Variants in FOXP1 observed in about 807,000 individuals in gnomAD.
The protein encoded by FOXP1 is forkhead box P1, also known as forkhead box protein P1.
FOXP1 carries 15 observed loss-of-function variants against 98.2 expected under a neutral mutation model. The observed-to-expected ratio is 0.15, with a 90% CI of 0.10 to 0.24. FOXP1 has a LOEUF of 0.24. FOXP1 is among the 10% of genes least tolerant of loss of function. FOXP1 has a pLI of 1.00. For synonymous variants in FOXP1, 371 were observed against 314.5 expected (o/e 1.18, Z -1.90); for missense variants, 633 against 848.5 (o/e 0.75, Z 3.15).
intron 5 of FOXP1, among the ~76,000 whole-genome samples, chr3:71,209,070 C>A (rs990433306): frequency 6.6e-6 from 1 of 152,068 alleles, no homozygotes; most frequent in Non-Finnish European, 1.5e-5. Flanking sequence ...CAGTCAGATC[C>A]GCTTAACTCT....
intron 2 of FOXP1, among the ~76,000 whole-genome samples, chr3:71,506,975 A>G (rs2041869806): frequency 6.6e-6 from 1 of 152,210 alleles, no homozygotes; most frequent in Admixed American, 6.5e-5. Context: ...CTCAATGCCT[A>G]GTCAACCAGC....
In FOXP1 at chr3:71,250,127, TTGTGTAAGCTACCCTA is replaced by T. The variant is rs377188590; in HGVS notation, c.-12+49677_-12+49692del. Among the ~76,000 whole-genome samples, 1,077 of 152,312 alleles carry T rather than the reference TTGTGTAAGCTACCCTA, an allele frequency of 7.1e-3. 10 individuals carry two copies. The highest frequency in any genetic ancestry group is 0.025 in the African/African-American group (1,027 of 41,570). On this transcript the variant is annotated intron_variant, in intron 5 of 20. Coordinates refer to ENST00000649528, the MANE Select transcript of FOXP1 (RefSeq NM_001349338.3). Reference sequence around the variant, plus strand: ...TTTGAGCCAGAAAATTAATTATTCATTGTGTAAGCTACCCTATGCATTGCAGAATGTTGAACAGCAT... The same window carrying T: ...TTTGAGCCAGAAAATTAATTATTCATTGCATTGCAGAATGTTGAACAGCAT...
chr3:71,216,035 G>A (rs1420446195), intron 5 of FOXP1, among the ~76,000 whole-genome samples: 5 of 152,168 alleles, frequency 3.3e-5, no homozygotes, highest in Non-Finnish European at 5.9e-5. Context: ...GGATACAAGT[G>A]GTTGATTATT....
intron 3 of FOXP1, among the ~76,000 whole-genome samples, chr3:71,479,676 T>C (rs1359495789): frequency 2.7e-5 from 2 of 73,048 alleles, no homozygotes; most frequent in Admixed American, 1.6e-4. Flanking sequence ...CAAAACATCA[T>C]CTCAAAAAAA....
At chr3:71,005,519 G>A (rs1003620614) in intron 12 of FOXP1, among the ~76,000 whole-genome samples, 4 of 151,920 alleles carry the variant, frequency 2.6e-5, no homozygotes, top group African/African-American at 9.7e-5. Context: ...TGGGGGAAAT[G>A]TATATCACCA....
intron 5 of FOXP1, among the ~76,000 whole-genome samples, chr3:71,268,090 C>CTTTTCCT (rs2069898962): frequency 1.0e-5 from 1 of 100,382 alleles, no homozygotes; most frequent in East Asian, 3.3e-4. Flanking sequence ...CTTTTCTTTT[C>CTTTTCCT]TTTTTTTTTT....
At chr3:71,306,098 C>T (rs2074253552) in intron 4 of FOXP1, 1 of 152,166 alleles carries the variant, frequency 6.6e-6, no homozygotes, top group South Asian at 2.1e-4. Context: ...GGAAGAGGCC[C>T]CTTTGCATAA....
intron 5 of FOXP1, among the ~76,000 whole-genome samples, chr3:71,208,181 C>T (rs1301924885): frequency 1.3e-5 from 2 of 152,188 alleles, no homozygotes; most frequent in Non-Finnish European, 2.9e-5. Context: ...GACACAGTAA[C>T]ACAAAATCCA....
In FOXP1 at chr3:71,255,430, T is replaced by C. The variant is rs189161438; in HGVS notation, c.-12+44390A>G. On this transcript the variant is annotated intron_variant, in intron 5 of 20. Transcript: ENST00000649528. ...GTTTTAAAAAAATACCTAACATATA[T>C]GTATTCAATATTTACATTTTGATTT... Among the ~76,000 whole-genome samples the C allele has an allele frequency of 1.7e-3, 255 of 152,322 alleles. 2 individuals are homozygous for C. Among genetic ancestry groups the C allele is most frequent in the Non-Finnish European group, 4.7e-4 (32 of 68,026 alleles).
chr3:71,089,082 G>T (rs1243673354), intron 7 of FOXP1, among the ~76,000 whole-genome samples: 2 of 152,166 alleles, frequency 1.3e-5, no homozygotes, highest in East Asian at 1.9e-4. Context: ...GAGGAGGTTG[G>T]AATCAGTGGC....
intron 3 of FOXP1, among the ~76,000 whole-genome samples, chr3:71,453,746 C>T (rs528568923): frequency 2.8e-4 from 42 of 152,214 alleles, no homozygotes; most frequent in Non-Finnish European, 5.6e-4. Flanking sequence ...TCTGATCACA[C>T]TGCTCTTTCA....
At chr3:70,965,826 C>A (rs1469793562) in intron 20 of FOXP1, 64 bp downstream of exon 20, 1 of 1,510,696 alleles carries the variant, frequency 6.6e-7, no homozygotes, top group Non-Finnish European at 9.2e-7. Flanking sequence ...AGGGCTGTCT[C>A]CCTGCGTGTA....
intron 7 of FOXP1, among the ~76,000 whole-genome samples, chr3:71,106,103 T>C (rs2107698532): frequency 6.6e-6 from 1 of 152,282 alleles, no homozygotes; most frequent in East Asian, 1.9e-4. Flanking sequence ...AGTCAGTTAA[T>C]CTCTCTGTTT....
intron 14 of FOXP1, among the ~76,000 whole-genome samples, chr3:70,983,043 C>A (rs1575855581): frequency 6.6e-6 from 1 of 152,228 alleles, no homozygotes; most frequent in South Asian, 2.1e-4. Context: ...CATTTCTGGG[C>A]ATGAATCACT....
intron 7 of FOXP1, among the ~76,000 whole-genome samples, chr3:71,095,483 G>A (rs189744298): frequency 5.9e-4 from 90 of 152,294 alleles, no homozygotes; most frequent in African/African-American, 2.1e-3. Context: ...AACAGATAAA[G>A]AGGTAAGAGG....
chr3:71,368,004 T>G lies in FOXP1; in HGVS notation c.-167-8760A>C, dbSNP rs569552232. ...AACGTGTTCACCACTTAGGGTTGAA[T>G]ATTTCATTTGATGACATAAGGACTG... On this transcript the variant is annotated intron_variant, in intron 3 of 20. Transcript: ENST00000649528. 2.6e-5 allele frequency among the ~76,000 whole-genome samples: 4 copies of G among 152,360 alleles called. No individual in the cohort carries two copies. In the East Asian group the frequency reaches 7.7e-4, roughly 29 times the overall value.
intron 6 of FOXP1, among the ~76,000 whole-genome samples, chr3:71,117,856 G>C (rs904559321): frequency 2.0e-5 from 3 of 152,172 alleles, no homozygotes; most frequent in Non-Finnish European, 4.4e-5. Context: ...TTACAGTAAA[G>C]ACACAGTTTG....
chr3:71,306,908 AT>A (rs897963021), intron 4 of FOXP1, among the ~76,000 whole-genome samples: 4 of 152,170 alleles, frequency 2.6e-5, no homozygotes, highest in South Asian at 2.1e-4. Flanking sequence ...CCTCAACATA[AT>A]TTGTCCTTAC....
chr3:71,135,932 C>T (rs181699579), intron 6 of FOXP1, among the ~76,000 whole-genome samples: 74 of 152,318 alleles, frequency 4.9e-4, no homozygotes, highest in African/African-American at 1.8e-3. Context: ...GTCAGACTTT[C>T]CCTCCCTTTG....
Sources: allele counts gnomAD v4.1 joint callset (sites outside exome capture counted in the v4.1 genomes callset), GRCh38; gene constraint gnomAD v4.1.1; transcripts MANE v1.5; gene names NCBI Gene and HGNC (gene_info 2026-07-23, HGNC 2026-07-21).